Variants in SIPA1L3 observed in about 807,000 individuals in gnomAD.
The protein encoded by SIPA1L3 is signal-induced proliferation-associated 1-like protein 3.
SIPA1L3 carries 59 observed loss-of-function variants against 150.1 expected under a neutral mutation model. The observed-to-expected ratio is 0.39, with a 90% CI of 0.32 to 0.49. SIPA1L3 has a LOEUF of 0.49. Among genes scored for constraint, SIPA1L3 ranks in the 20% least tolerant of loss-of-function variants. The pLI, the probability that SIPA1L3 is intolerant of heterozygous loss-of-function variation, is 0.86. For missense variants in SIPA1L3, 2,211 were observed against 2,489.5 expected (o/e 0.89, Z 2.38); for synonymous variants, 1,070 against 1,077.6 (o/e 0.99, Z 0.14).
At chr19:37,963,321 C>T (rs1406662897) in intron 1 of SIPA1L3, among the ~76,000 whole-genome samples, 1 of 152,216 alleles carries the variant, frequency 6.6e-6, no homozygotes, top group East Asian at 1.9e-4. Context: ...TATATATGCA[C>T]ATTGTTCCAG....
Position 38,081,742 on chromosome 19 carries a change from C to T in SIPA1L3, c.177C>T (p.Ala59=), listed in dbSNP as rs530042626. The part of the protein sequence containing the change: ...PLGESPATAT[A]TATATTRPSP... ...GCGAGAGCCCGGCCACCGCCACCGC[C>T]ACCGCCACCGCCACCACCCGCCCCA... Residue 59 remains alanine (A), a synonymous_variant, in exon 3 of 22, where the codon GCC becomes GCT. Coordinates refer to ENST00000222345, the MANE Select transcript of SIPA1L3 (RefSeq NM_015073.3). 1 of 1,598,978 alleles carries T rather than the reference C, an allele frequency of 6.3e-7. No individual in the cohort carries two copies. Among genetic ancestry groups the T allele is most frequent in the South Asian group, 1.1e-5 (1 of 90,266 alleles).
At chr19:38,203,848 G>C in intron 20 of SIPA1L3, 1 of 423,498 alleles carries the variant, frequency 2.4e-6, no homozygotes, top group East Asian at 4.2e-5. Context: ...TCACATGCAC[G>C]GCCCAGCCTC....
rs762979913 is a variant in SIPA1L3, at chr19:38,082,067, C to G, written c.502C>G (p.His168Asp). ...SPGRAFLPLR[H>D]RSSSEITLSE... ...CGGCAGGGCCTTCCTCCCCCTTCGG[C>G]ACCGCAGCAGCAGCGAGATCACCCT... The change falls in exon 3 of 22, where the codon CAC becomes GAC. Residue 168 changes from histidine to aspartate, a missense_variant. Physicochemically the swap from His to Asp is moderately conservative, Grantham distance 81. Coordinates refer to ENST00000222345, the MANE Select transcript of SIPA1L3 (RefSeq NM_015073.3). The G allele has an allele frequency of 2.5e-6, 4 of 1,613,060 alleles. No homozygotes were observed. The South Asian group carries it at 3.3e-5, about 13-fold the overall frequency.
rs191137751 is a variant in SIPA1L3, at chr19:37,976,333, C to T, written c.-378-52756C>T. Among the ~76,000 whole-genome samples, 14 of 152,234 alleles carry T rather than the reference C, an allele frequency of 9.2e-5. No individual in the cohort carries two copies. In the East Asian group the frequency reaches 2.1e-3, roughly 23 times the overall value. ...AGATGGCTGCTCTTGGAGATGCAGG[C>T]TGCCCCTGAATGCCCTGATCACTGA... On this transcript the variant is annotated intron_variant, in intron 1 of 21. Transcript: ENST00000222345.
At position 38,206,890 on chromosome 19, in the gene SIPA1L3, G is replaced by A. The variant is rs775463563; in HGVS notation, c.*650G>A. On this transcript the variant is annotated 3_prime_UTR_variant, in exon 22 of 22. Transcript: ENST00000222345. ...TTTCTTGGGGGCCTGAGGATAGAGAGAGGCAAGGCTAGCCTCCAGAGCCGA... is the reference window on the plus strand; with the variant it reads ...TTTCTTGGGGGCCTGAGGATAGAGAAAGGCAAGGCTAGCCTCCAGAGCCGA... The A allele has an allele frequency of 1.3e-5, 2 of 152,824 alleles. No individual in the cohort carries two copies. The allele number at this position is 152,824 out of a possible 1,614,324, so 9.5% of individuals were successfully genotyped here. A position where few individuals can be genotyped will look rare whatever the true frequency, so the allele number is the denominator to read the frequency against.
chr19:38,070,544 A>G (rs1969693670), intron 2 of SIPA1L3, among the ~76,000 whole-genome samples: 1 of 152,168 alleles, frequency 6.6e-6, no homozygotes, highest in Admixed American at 6.5e-5. Context: ...GAGTAAATGA[A>G]TGGATTTCGA....
At chr19:38,180,647 G>A (rs760857211) in intron 15 of SIPA1L3, among the ~76,000 whole-genome samples, 2 of 150,678 alleles carry the variant, frequency 1.3e-5, no homozygotes, top group African/African-American at 2.4e-5. Flanking sequence ...GGGTTCAAGC[G>A]ATTCTCCTGC....
intron 12 of SIPA1L3, among the ~76,000 whole-genome samples, chr19:38,152,476 G>T (rs1971844623): frequency 6.6e-6 from 1 of 152,136 alleles, no homozygotes; most frequent in Admixed American, 6.5e-5. Flanking sequence ...AGAGGCCTGG[G>T]GCAGTAGCTG....
Position 38,070,214 on chromosome 19 carries a change from A to G in SIPA1L3, c.-310-11042A>G, listed in dbSNP as rs540394429. On this transcript the variant is annotated intron_variant, in intron 2 of 21. Transcript: ENST00000222345. ...GTCCTATCTATCTATCTATCTATCT[A>G]TCTATCTATTTTTGAGACAGGGTCT... Among the ~76,000 whole-genome samples, 9 of 149,552 alleles carry G rather than the reference A, an allele frequency of 6.0e-5. No homozygotes were observed. In the East Asian group the frequency reaches 1.2e-3, roughly 20 times the overall value.
At chr19:38,124,546 C>T (rs951782901) in intron 9 of SIPA1L3, among the ~76,000 whole-genome samples, 58 of 151,876 alleles carry the variant, frequency 3.8e-4, no homozygotes, top group Middle Eastern at 3.4e-3. Context: ...GGGCTCCTCA[C>T]GTCCCAGACG....
At chr19:38,054,893 AGGTGAAC>A (rs1176140107) in intron 2 of SIPA1L3, among the ~76,000 whole-genome samples, 31 of 152,310 alleles carry the variant, frequency 2.0e-4, no homozygotes, top group African/African-American at 7.5e-4. Context: ...TGGTGATAGC[AGGTGAAC>A]GGTGAAGAGT....
intron 1 of SIPA1L3, chr19:37,932,627 C>T (rs2046565843): frequency 6.6e-6 from 1 of 152,152 alleles, no homozygotes; most frequent in Non-Finnish European, 1.5e-5. Flanking sequence ...GAGGAGTCCA[C>T]CTGGGGCTCC....
At chr19:38,130,945 T>A (rs1009575072) in intron 10 of SIPA1L3, 173 bp downstream of exon 10, 6 of 658,804 alleles carry the variant, frequency 9.1e-6, no homozygotes, top group Non-Finnish European at 1.3e-5. Context: ...ACAGAGCGCT[T>A]ACTGTATGCC....
intron 1 of SIPA1L3, among the ~76,000 whole-genome samples, chr19:37,925,617 C>T (rs1437732976): frequency 1.8e-5 from 2 of 111,828 alleles, no homozygotes; most frequent in East Asian, 2.5e-4. Context: ...TTTTTTGAGA[C>T]GGAGTCTCAC....
intron 1 of SIPA1L3, among the ~76,000 whole-genome samples, chr19:37,934,934 C>G (rs1286012898): frequency 6.6e-6 from 1 of 152,122 alleles, no homozygotes; most frequent in Non-Finnish European, 1.5e-5. Flanking sequence ...TTGATTTGGC[C>G]AAGACATCAC....
intron 1 of SIPA1L3, among the ~76,000 whole-genome samples, chr19:37,910,943 G>A (rs1351506479): frequency 6.6e-6 from 1 of 152,092 alleles, no homozygotes; most frequent in African/African-American, 2.4e-5. Context: ...CCTTTTGTGC[G>A]TGTGTGTATG....
intron 1 of SIPA1L3, among the ~76,000 whole-genome samples, chr19:37,908,528 A>G (rs2145458875): frequency 6.6e-6 from 1 of 152,146 alleles, no homozygotes; most frequent in South Asian, 2.1e-4. Flanking sequence ...GATTGTTTGG[A>G]TGGTTCCAGG....
intron 2 of SIPA1L3, among the ~76,000 whole-genome samples, chr19:38,032,161 G>A (rs1968667440): frequency 6.6e-6 from 1 of 152,124 alleles, no homozygotes; most frequent in Non-Finnish European, 1.5e-5. Flanking sequence ...GAACTCTTCT[G>A]TAAGGAAGAC....
At chr19:38,038,588 CAA>C (rs34849335) in intron 2 of SIPA1L3, among the ~76,000 whole-genome samples, 10 of 121,744 alleles carry the variant, frequency 8.2e-5, no homozygotes, top group African/African-American at 1.6e-4. Context: ...GACTCCGTCT[CAA>C]AAAAAAAAAA....
Sources: gnomAD v4.1 joint callset for allele counts (sites outside exome capture counted in the v4.1 genomes callset) on GRCh38, gnomAD v4.1.1 for gene constraint, MANE v1.5 for transcripts, NCBI Gene and HGNC (gene_info 2026-07-23, HGNC 2026-07-21) for gene names.